The following SULT1B1 variants were observed in gnomAD, a reference collection of about 807,000 sequenced individuals.
SULT1B1 encodes sulfotransferase 1B1.
In SULT1B1, 28 loss-of-function variants were observed where a neutral mutation model predicts 34.6. The ratio of observed to expected loss-of-function variants is 0.81; its 90% CI spans 0.60 to 1.11. SULT1B1 has a LOEUF of 1.11. Among genes scored for constraint, SULT1B1 ranks in the 50% least tolerant of loss-of-function variants. SULT1B1 has a pLI of 0.00. For synonymous variants in SULT1B1, 147 were observed against 110.2 expected (o/e 1.33, Z -2.09); for missense variants, 374 against 352.2 (o/e 1.06, Z -0.50).
At position 69,734,109 on chromosome 4, in the gene SULT1B1, T is replaced by G. The variant is rs141782978; in HGVS notation, c.502+29A>C. On this transcript the variant is annotated intron_variant, in intron 5 of 7. Coordinates refer to ENST00000310613, the MANE Select transcript of SULT1B1 (RefSeq NM_014465.4). Reference sequence around the variant, plus strand: ...ATAGTATTATTAAAATAAAAAATACTTATCAATTTTAAGATAAAGTCCACA... The same window carrying G: ...ATAGTATTATTAAAATAAAAAATACGTATCAATTTTAAGATAAAGTCCACA... 7.6e-4 allele frequency: 1,142 copies of G among 1,512,150 alleles called. 6 individuals are homozygous for G. Among genetic ancestry groups the G allele is most frequent in the Middle Eastern group, 4.9e-3 (27 of 5,558 alleles). 93.7% of individuals were successfully genotyped at this position (1,512,150 alleles called of 1,614,324 possible).
In SULT1B1 at chr4:69,734,170, T is replaced by C; in HGVS notation, c.470A>G (p.Glu157Gly). The C allele has an allele frequency of 6.2e-7, 1 of 1,611,840 alleles. No individual in the cohort carries two copies. Reference protein sequence around the residue: ...NNLQPFPGTWEEYLEKFLTGK... With the variant: ...NNLQPFPGTWGEYLEKFLTGK... ...AGTTAAGAATTTCTCCAGATATTCT[T>C]CCCAGGTACCAGGAAAAGGCTGTAA... The change falls in exon 5 of 8, where the codon GAA (glutamate) becomes GGA (glycine). Residue 157 changes from glutamate (E) to glycine (G), a missense_variant. Physicochemically the swap from Glu to Gly is moderately conservative, Grantham distance 98. Coordinates refer to ENST00000310613, the MANE Select transcript of SULT1B1 (RefSeq NM_014465.4).
intron 7 of SULT1B1, 91 bp from the exon 8 acceptor site, chr4:69,727,291 A>T (rs1393756538): frequency 2.5e-6 from 2 of 814,096 alleles, no homozygotes; most frequent in Non-Finnish European, 3.6e-6. Context: ...GAAGGCCTAA[A>T]GAAAGACCTT....
intron 4 of SULT1B1, among the ~76,000 whole-genome samples, chr4:69,748,344 C>T (rs1192513854): frequency 6.6e-6 from 1 of 152,124 alleles, no homozygotes; most frequent in Non-Finnish European, 1.5e-5. Context: ...GAATTCCAAA[C>T]AGCAAACAGC....
rs1487764856 is a variant in SULT1B1, at chr4:69,726,317, A to G, written c.*771T>C. The G allele has an allele frequency of 6.6e-6, 1 of 151,456 alleles. No individual in the cohort carries two copies. The highest frequency in any genetic ancestry group is 1.5e-5 in the Non-Finnish European group (1 of 67,836). 9.4% of individuals were successfully genotyped at this position (151,456 alleles called of 1,614,324 possible). ...AAGATTAAGTAACTGAAGTTCCCAAATGGTGACCAGAACACAGCAGTAGGT... is the reference window on the plus strand; with the variant it reads ...AAGATTAAGTAACTGAAGTTCCCAAGTGGTGACCAGAACACAGCAGTAGGT... On this transcript the variant is annotated 3_prime_UTR_variant, in exon 8 of 8. Coordinates refer to ENST00000310613, the MANE Select transcript of SULT1B1 (RefSeq NM_014465.4).
At chr4:69,730,352 T>A (rs1718023684) in intron 7 of SULT1B1, 149 bp downstream of exon 7, 1 of 572,256 alleles carries the variant, frequency 1.7e-6, no homozygotes. Flanking sequence ...CATTTAATAA[T>A]TTTGAATCTC....
At chr4:69,739,872 T>G (rs1718473850) in intron 4 of SULT1B1, among the ~76,000 whole-genome samples, 1 of 152,216 alleles carries the variant, frequency 6.6e-6, no homozygotes, top group Non-Finnish European at 1.5e-5. Context: ...CCAGTCTCTT[T>G]GATAAAGCAT....
intron 4 of SULT1B1, among the ~76,000 whole-genome samples, chr4:69,738,052 C>T (rs889302532): frequency 6.6e-6 from 1 of 152,086 alleles, no homozygotes; most frequent in Non-Finnish European, 1.5e-5. Context: ...TCTATTGCTC[C>T]CATCTTTGTG....
chr4:69,735,852 C>A (rs867845573), intron 4 of SULT1B1, among the ~76,000 whole-genome samples: 1 of 152,182 alleles, frequency 6.6e-6, no homozygotes, highest in African/African-American at 2.4e-5. Flanking sequence ...AATTTGCCAA[C>A]TACCTACACA....
At chr4:69,751,561 C>G (rs1157148354) in intron 3 of SULT1B1, among the ~76,000 whole-genome samples, 2 of 152,168 alleles carry the variant, frequency 1.3e-5, no homozygotes, top group African/African-American at 4.8e-5. Context: ...ACGCCATTCT[C>G]CTGCCTCAGC....
At chr4:69,751,967 T>C (rs576015012) in intron 3 of SULT1B1, among the ~76,000 whole-genome samples, 82 of 152,356 alleles carry the variant, frequency 5.4e-4, no homozygotes, top group African/African-American at 1.9e-3. Context: ...GAACTCATTT[T>C]GGTTCCTTGC....
intron 3 of SULT1B1, among the ~76,000 whole-genome samples, chr4:69,750,702 A>C (rs1718945668): frequency 6.6e-6 from 1 of 152,204 alleles, no homozygotes; most frequent in Non-Finnish European, 1.5e-5. Context: ...GTTCTATGAA[A>C]CACATTTTGA....
chr4:69,755,903 T>A (rs996938769), intron 1 of SULT1B1, among the ~76,000 whole-genome samples: 8 of 152,194 alleles, frequency 5.3e-5, no homozygotes, highest in African/African-American at 1.7e-4. Context: ...CTTCTGAGAC[T>A]ATAATTACAT....
At chr4:69,739,940 C>T (rs1481947728) in intron 4 of SULT1B1, among the ~76,000 whole-genome samples, 4 of 152,200 alleles carry the variant, frequency 2.6e-5, no homozygotes, top group Admixed American at 2.0e-4. Context: ...TCTAAGACCA[C>T]CTCAGCCTGG....
chr4:69,755,369 G>A, intron 1 of SULT1B1, 108 bp from the exon 2 acceptor site: 1 of 759,236 alleles, frequency 1.3e-6, no homozygotes, highest in Non-Finnish European at 2.1e-6. Flanking sequence ...CTGCGCACAT[G>A]GAGATCTAAG....
chr4:69,745,357 A>T (rs1042622968), intron 4 of SULT1B1, among the ~76,000 whole-genome samples: 1 of 152,192 alleles, frequency 6.6e-6, no homozygotes, highest in Non-Finnish European at 1.5e-5. Context: ...GTAGGTCTAT[A>T]AGAACCAGTT....
At chr4:69,727,322 A>T in intron 7 of SULT1B1, 122 bp from the exon 8 acceptor site, 3 of 600,460 alleles carry the variant, frequency 5.0e-6, no homozygotes, top group Non-Finnish European at 2.6e-6. Context: ...GAATGAATTC[A>T]AACAGTCTTT....
At chr4:69,757,307 TATCTTAGATGAA>T (rs1286645877) in intron 1 of SULT1B1, among the ~76,000 whole-genome samples, 49 of 152,202 alleles carry the variant, frequency 3.2e-4, no homozygotes, top group African/African-American at 1.2e-3. Flanking sequence ...AATTGCATAA[TATCTTAGATGAA>T]ATCGCATTGC....
intron 5 of SULT1B1, among the ~76,000 whole-genome samples, chr4:69,733,720 A>G (rs530699360): frequency 6.6e-6 from 1 of 152,266 alleles, no homozygotes; most frequent in East Asian, 1.9e-4. Flanking sequence ...TTCAGACAAA[A>G]ATACACTGAC....
rs374266024 is a variant in SULT1B1, at chr4:69,721,425, T to C, written c.*5663A>G. 3 of 152,128 alleles carry C rather than the reference T, an allele frequency of 2.0e-5. No individual in the cohort carries two copies. The highest frequency in any genetic ancestry group is 1.9e-4 in the East Asian group (1 of 5,190). 9.4% of individuals were successfully genotyped at this position (152,128 alleles called of 1,614,324 possible). ...TGAAGATTGCTGCACAAAATAATTG[T>C]TTTCCCATATATCATTAATATCAAG... On this transcript the variant is annotated 3_prime_UTR_variant, in exon 8 of 8. Transcript: ENST00000310613.
Sources: gnomAD v4.1 joint callset for allele counts (sites outside exome capture counted in the v4.1 genomes callset) on GRCh38, gnomAD v4.1.1 for gene constraint, MANE v1.5 for transcripts, NCBI Gene and HGNC (gene_info 2026-07-23, HGNC 2026-07-21) for gene names.